The following PRIM2 variants were observed in gnomAD, a reference collection of about 807,000 sequenced individuals.
PRIM2 encodes DNA primase large subunit.
A neutral mutation model predicts 67.3 loss-of-function variants in PRIM2; 39 were observed. That is an observed-to-expected ratio of 0.58 (90% confidence interval 0.45 to 0.76). PRIM2 has a LOEUF of 0.76. PRIM2 is among the 30% of genes least tolerant of loss of function. The pLI is 0.00. For synonymous variants in PRIM2, 143 were observed against 198.7 expected, an observed-to-expected ratio of 0.72 and a Z score of 2.36; for missense variants, 398 against 598.7, an observed-to-expected ratio of 0.66 and a Z score of 3.50.
At chr6:57,515,640 G>A (rs1554348166) in intron 8 of PRIM2, among the ~76,000 whole-genome samples, 7 of 152,242 alleles carry the variant, frequency 4.6e-5, no homozygotes, top group East Asian at 1.9e-4. Flanking sequence ...AAAATCACTC[G>A]TGTCATATGT....
intron 4 of PRIM2, among the ~76,000 whole-genome samples, chr6:57,324,622 A>G (rs1227186090): frequency 2.6e-5 from 4 of 152,236 alleles, no homozygotes; most frequent in Middle Eastern, 3.2e-3. Context: ...GAAACAATTA[A>G]TGAAACCCAC....
intron 7 of PRIM2, among the ~76,000 whole-genome samples, chr6:57,455,357 C>T (rs1218339764): frequency 4.6e-5 from 7 of 152,126 alleles, no homozygotes; most frequent in Non-Finnish European, 7.3e-5. Context: ...CTTTCTGTCT[C>T]GTTGATCTGT....
intron 8 of PRIM2, among the ~76,000 whole-genome samples, chr6:57,524,320 C>T (rs1554349164): frequency 3.3e-5 from 5 of 152,024 alleles, no homozygotes; most frequent in South Asian, 2.1e-4. Context: ...GTTTAATGAG[C>T]GAGATAATAT....
chr6:57,327,597 G>A (rs1017237541), intron 5 of PRIM2, among the ~76,000 whole-genome samples: 7 of 152,166 alleles, frequency 4.6e-5, no homozygotes, highest in Non-Finnish European at 1.0e-4. Flanking sequence ...TGTCATGCAT[G>A]GTACCATCTG....
At chr6:57,587,550 G>A (rs1274305596) in intron 10 of PRIM2, among the ~76,000 whole-genome samples, 1 of 151,208 alleles carries the variant, frequency 6.6e-6, no homozygotes, top group African/African-American at 2.4e-5. Flanking sequence ...TGTAGTCACA[G>A]CTACTTGGGA....
At chr6:57,301,990 G>T in the PRIM2 span, among the ~76,000 whole-genome samples, 3 of 152,150 alleles carry the variant, frequency 2.0e-5, no homozygotes, top group African/African-American at 7.2e-5. Flanking sequence ...AGGCACTTCA[G>T]AAGACATTCC....
chr6:57,258,842 T>C, the PRIM2 span, among the ~76,000 whole-genome samples: 1 of 152,148 alleles, frequency 6.6e-6, no homozygotes, highest in Non-Finnish European at 1.5e-5. Context: ...TCCCAGAACC[T>C]GGACTCTTGG....
intron 7 of PRIM2, among the ~76,000 whole-genome samples, chr6:57,498,874 C>T (rs1439125263): frequency 2.9e-4 from 44 of 152,164 alleles, no homozygotes; most frequent in Non-Finnish European, 1.3e-4. Flanking sequence ...TATTTGCTTA[C>T]GTATTTACCT....
intron 8 of PRIM2, among the ~76,000 whole-genome samples, chr6:57,528,663 A>C (rs1774817504): frequency 6.6e-6 from 1 of 152,224 alleles, no homozygotes; most frequent in Non-Finnish European, 1.5e-5. Context: ...CAATCCTGTT[A>C]CATCATTGTA....
chr6:57,326,893 C>CTTTT (rs70989764), intron 5 of PRIM2, among the ~76,000 whole-genome samples: 17 of 131,488 alleles, frequency 1.3e-4, no homozygotes, highest in African/African-American at 4.4e-4. Context: ...GAATTTGTAT[C>CTTTT]TTTTTTTTTT....
chr6:57,419,898 A>C (rs1255701129), intron 7 of PRIM2, among the ~76,000 whole-genome samples: 3 of 152,226 alleles, frequency 2.0e-5, no homozygotes, highest in Non-Finnish European at 4.4e-5. Context: ...TTCGTTGATT[A>C]GACTCACCTC....
At chr6:57,414,355 T>C (rs1771190669) in intron 7 of PRIM2, among the ~76,000 whole-genome samples, 1 of 152,162 alleles carries the variant, frequency 6.6e-6, no homozygotes, top group Non-Finnish European at 1.5e-5. Flanking sequence ...ATACTGGTTC[T>C]ATAAGTGTTT....
At position 57,399,049 on chromosome 6, in the gene PRIM2, A is replaced by G. The variant is rs118014302; in HGVS notation, c.693+16881A>G. The stretch of plus-strand genomic sequence containing the variant: ...TTATTTAATTATTTTTTATTTATCT[A>G]TTTTATTATACTTTAGGTTCTAGGG... On this transcript the variant is annotated intron_variant, in intron 7 of 13. Coordinates refer to ENST00000615550, the MANE Select transcript of PRIM2 (RefSeq NM_000947.5). 1.3e-3 allele frequency among the ~76,000 whole-genome samples: 190 copies of G among 151,366 alleles called. 5 individuals are homozygous for G. In the East Asian group the frequency reaches 0.016, roughly 13 times the overall value.
At chr6:57,394,860 T>G (rs62415549) in intron 7 of PRIM2, among the ~76,000 whole-genome samples, 1 of 152,108 alleles carries the variant, frequency 6.6e-6, no homozygotes, top group African/African-American at 2.4e-5. Flanking sequence ...TGTGGAGAGT[T>G]TTAATCATAA....
the PRIM2 span, among the ~76,000 whole-genome samples, chr6:57,230,521 G>T: frequency 6.6e-6 from 1 of 152,170 alleles, no homozygotes; most frequent in Non-Finnish European, 1.5e-5. Context: ...ATATCTAGTG[G>T]GAGGGTTGAT....
At chr6:57,565,201 T>A (rs1303003689) in intron 10 of PRIM2, among the ~76,000 whole-genome samples, 5 of 151,654 alleles carry the variant, frequency 3.3e-5, no homozygotes, top group Non-Finnish European at 5.9e-5. Context: ...AAATTCCAAA[T>A]GTATACAAAT....
chr6:57,480,408 T>TAA (rs1250445082), intron 7 of PRIM2, among the ~76,000 whole-genome samples: 7 of 151,796 alleles, frequency 4.6e-5, no homozygotes, highest in South Asian at 2.1e-4. Flanking sequence ...TTAGGTATAA[T>TAA]AAAAAAAACT....
chr6:57,492,644 G>T (rs1554346097), intron 7 of PRIM2, among the ~76,000 whole-genome samples: 1 of 151,940 alleles, frequency 6.6e-6, no homozygotes, highest in Non-Finnish European at 1.5e-5. Flanking sequence ...TATATAATTA[G>T]TATACAAAGT....
At chr6:57,311,091 G>A (rs376007163), upstream of PRIM2, among the ~76,000 whole-genome samples, 22 of 148,146 alleles carry the variant, frequency 1.5e-4, no homozygotes, top group East Asian at 6.2e-4. Context: ...CTTCCCAGAC[G>A]GGGTGGTGGC....
Sources: allele counts gnomAD v4.1 joint callset (sites outside exome capture counted in the v4.1 genomes callset), GRCh38; gene constraint gnomAD v4.1.1; transcripts MANE v1.5; gene names NCBI Gene and HGNC (gene_info 2026-07-23, HGNC 2026-07-21).